Variants in SETD5 observed in about 807,000 individuals in gnomAD.
SETD5 encodes SET domain containing 5.
A neutral mutation model predicts 153.3 loss-of-function variants in SETD5; 44 were observed. The observed-to-expected ratio is 0.29, with a 90% CI of 0.23 to 0.37. The LOEUF (loss-of-function observed/expected upper bound fraction) is 0.37, where lower values mean the gene tolerates loss of function less well. Among genes scored for constraint, SETD5 ranks in the 10% least tolerant of loss-of-function variants. SETD5 has a pLI of 1.00. For synonymous variants in SETD5, 716 were observed against 645.2 expected, an observed-to-expected ratio of 1.11 and a Z score of -1.66; for missense variants, 1,544 against 1,768.0, an observed-to-expected ratio of 0.87 and a Z score of 2.27.
At chr3:9,416,537 T>C (rs1028735904) in intron 1 of SETD5, among the ~76,000 whole-genome samples, 1 of 152,208 alleles carries the variant, frequency 6.6e-6, no homozygotes, top group African/African-American at 2.4e-5. Flanking sequence ...AATATTTCAA[T>C]GATTAAGACT....
At chr3:9,409,599 C>G (rs62246301) in intron 1 of SETD5, among the ~76,000 whole-genome samples, 17,688 of 151,986 alleles carry the variant, frequency 0.12, 1,402 homozygotes, top group Non-Finnish European at 0.18. Flanking sequence ...TTTTTTGCCC[C>G]AAACCTGGAA....
chr3:9,445,396 T>A, intron 12 of SETD5, 96 bp downstream of exon 12: 1 of 1,288,734 alleles, frequency 7.8e-7, no homozygotes, highest in Non-Finnish European at 1.1e-6. Flanking sequence ...GGAGCTATAG[T>A]AACACTTAGT....
At chr3:9,413,771 T>TTTTG (rs1457385576) in intron 1 of SETD5, among the ~76,000 whole-genome samples, 3 of 145,436 alleles carry the variant, frequency 2.1e-5, no homozygotes, top group Non-Finnish European at 2.9e-5. Flanking sequence ...TTTTGTTTGT[T>TTTTG]TTTGTTTTGT....
intron 1 of SETD5, among the ~76,000 whole-genome samples, chr3:9,419,229 G>A (rs1352301143): frequency 2.6e-5 from 4 of 152,088 alleles, no homozygotes; most frequent in Non-Finnish European, 4.4e-5. Flanking sequence ...TTCTACTTTG[G>A]ATAAAATAAA....
intron 1 of SETD5, among the ~76,000 whole-genome samples, chr3:9,399,754 T>A (rs758581176): frequency 6.6e-6 from 1 of 152,050 alleles, no homozygotes; most frequent in African/African-American, 2.4e-5. Flanking sequence ...AGGCCTTGGT[T>A]TAAAAGGGTG....
In SETD5 at chr3:9,433,272, A is replaced by C. The variant is rs780513505; in HGVS notation, c.72-573A>C. 601 of 795,832 alleles carry C rather than the reference A, an allele frequency of 7.6e-4. 5 individuals carry two copies. Among genetic ancestry groups the C allele is most frequent in the Admixed American group, 2.1e-4 (7 of 33,944 alleles). 49.3% of individuals were successfully genotyped at this position (795,832 alleles called of 1,614,324 possible). A position where few individuals can be genotyped will look rare whatever the true frequency, so the allele number is the denominator to read the frequency against. ...TGCTTGCATGTCATTGGTGGATGAG[A>C]AATTATTACTCTAATATTTGAAAGG... On this transcript the variant is annotated intron_variant, in intron 3 of 22. Transcript: ENST00000402198.
intron 18 of SETD5, chr3:9,468,544 C>G (rs1371298068): frequency 7.7e-7 from 1 of 1,304,266 alleles, no homozygotes; most frequent in Admixed American, 2.3e-5. Context: ...GAGAGTTCCC[C>G]TGCGCATAGG....
At chr3:9,447,564 T>G in intron 14 of SETD5, 122 bp from the exon 15 acceptor site, 1 of 1,181,102 alleles carries the variant, frequency 8.5e-7, no homozygotes, top group Non-Finnish European at 1.2e-6. Flanking sequence ...GATTTTAAAT[T>G]AGTGTTTCTA....
chr3:9,440,349 T>A (rs2041122312), intron 7 of SETD5, 107 bp from the exon 8 acceptor site: 1 of 651,812 alleles, frequency 1.5e-6, no homozygotes, highest in African/African-American at 1.8e-5. Context: ...GCCACATCAA[T>A]TGCCAAGTGA....
intron 18 of SETD5, chr3:9,465,030 A>G: frequency 3.4e-6 from 1 of 295,436 alleles, no homozygotes; most frequent in Non-Finnish European, 6.6e-6. Flanking sequence ...TGTTAGTAAC[A>G]CTAGCCTGAG....
At chr3:9,431,331 G>A (rs2039941247) in intron 3 of SETD5, 1 of 985,294 alleles carries the variant, frequency 1.0e-6, no homozygotes, top group South Asian at 4.7e-5. Context: ...TATCTGTTGT[G>A]AGCCTGGTTT....
At chr3:9,474,420 C>T in intron 20 of SETD5, 29 bp from the exon 21 acceptor site, 1 of 1,610,522 alleles carries the variant, frequency 6.2e-7, no homozygotes, top group Non-Finnish European at 8.5e-7. Context: ...AGTCCTGTGG[C>T]TTGAACTTGC....
intron 1 of SETD5, among the ~76,000 whole-genome samples, chr3:9,424,090 A>G (rs2038809906): frequency 6.6e-6 from 1 of 152,182 alleles, no homozygotes; most frequent in South Asian, 2.1e-4. Flanking sequence ...CGGGTTAAAG[A>G]AAGAACTCTG....
chr3:9,417,786 A>G (rs1281212765), intron 1 of SETD5, among the ~76,000 whole-genome samples: 1 of 149,972 alleles, frequency 6.7e-6, no homozygotes, highest in East Asian at 2.0e-4. Flanking sequence ...CGCCTGGCCA[A>G]GTCTTTTTTT....
In SETD5 at chr3:9,398,857, G is replaced by T. The variant is rs945676145; in HGVS notation, c.-177+880G>T. On this transcript the variant is annotated intron_variant, in intron 1 of 22. Coordinates refer to ENST00000402198, the MANE Select transcript of SETD5 (RefSeq NM_001080517.3). ...AATTGATTCTATAGAGTCCTTGCTT[G>T]TCTCACTTCTTGGGCGTCAGTGGTC... Among the ~76,000 whole-genome samples, 11 of 152,204 alleles carry T rather than the reference G, an allele frequency of 7.2e-5. No homozygotes were observed. The East Asian group carries it at 1.2e-3, about 16-fold the overall frequency.
At chr3:9,422,852 G>A (rs2038611205) in intron 1 of SETD5, among the ~76,000 whole-genome samples, 1 of 152,206 alleles carries the variant, frequency 6.6e-6, no homozygotes, top group African/African-American at 2.4e-5. Flanking sequence ...AGCAGATCTT[G>A]TTCATCAGGA....
At position 9,445,707 on chromosome 3, in the gene SETD5, A is replaced by G; in HGVS notation, c.1491A>G (p.Ile497Met). ...EKPEEEKEEV[I>M]DDQENLAHSR... ...CAGAAGAAGAGAAAGAAGAGGTTAT[A>G]GATGACCAGGAGAACCTAGCTCATA... is the stretch of plus-strand genomic sequence containing the variant. The change falls in exon 13 of 23, where the codon ATA (isoleucine) becomes ATG (methionine). Residue 497 changes from isoleucine (I) to methionine (M), a missense_variant. Transcript: ENST00000402198. 6.2e-7 allele frequency: 1 copy of G among 1,613,714 alleles called. No individual in the cohort carries two copies. The highest frequency in any genetic ancestry group is 8.5e-7 in the Non-Finnish European group (1 of 1,179,754).
At chr3:9,446,144 G>A (rs1297301713) in intron 13 of SETD5, among the ~76,000 whole-genome samples, 7 of 151,164 alleles carry the variant, frequency 4.6e-5, no homozygotes, top group Non-Finnish European at 8.9e-5. Flanking sequence ...AAAATTAGCC[G>A]GGCGCGGTGG....
In SETD5 at chr3:9,406,607, C is replaced by CAAAAAAAAA. The variant is rs746999028; in HGVS notation, c.-177+8636_-177+8644dup. ...TGGGCGACAGAGCGAGACTCTGTCT[C>CAAAAAAAAA]AAAAAAAAAAAAAAGAATAGATCTG... On this transcript the variant is annotated intron_variant, in intron 1 of 22. Coordinates refer to ENST00000402198, the MANE Select transcript of SETD5 (RefSeq NM_001080517.3). Among the ~76,000 whole-genome samples, 115 of 99,246 alleles carry CAAAAAAAAA rather than the reference C, an allele frequency of 1.2e-3. 5 individuals are homozygous for CAAAAAAAAA. Among genetic ancestry groups the CAAAAAAAAA allele is most frequent in the African/African-American group, 4.4e-3 (113 of 25,420 alleles). 65.1% of individuals were successfully genotyped at this position (99,246 alleles called of 152,430 possible).
Sources: allele counts gnomAD v4.1 joint callset (sites outside exome capture counted in the v4.1 genomes callset), GRCh38; gene constraint gnomAD v4.1.1; transcripts MANE v1.5; gene names NCBI Gene and HGNC (gene_info 2026-07-23, HGNC 2026-07-21).